The following HADHB variants were observed in gnomAD, a reference collection of about 807,000 sequenced individuals.
HADHB encodes the protein hydroxyacyl-CoA dehydrogenase trifunctional multienzyme complex subunit beta.
In HADHB, 50 loss-of-function variants were observed where a neutral mutation model predicts 61.9. The observed-to-expected ratio is 0.81, with a 90% CI of 0.64 to 1.02. The LOEUF is 1.02. Ranked by LOEUF, HADHB falls within the 50% of genes least tolerant of loss-of-function variation. The pLI, the probability that HADHB is intolerant of heterozygous loss-of-function variation, is 0.00. For synonymous variants in HADHB, 191 were observed against 201.6 expected (o/e 0.95, Z 0.45); for missense variants, 504 against 586.5 (o/e 0.86, Z 1.45).
rs1412468015 is a variant in HADHB at position 26,285,510 on chromosome 2, A to G, written c.1328A>G (p.Asn443Ser). The change falls in exon 15 of 16, where the codon AAC becomes AGC. Residue 443 changes from asparagine (N) to serine (S), a missense_variant. By Grantham distance (46) the Asn-to-Ser change is conservative. Coordinates refer to ENST00000317799, the MANE Select transcript of HADHB (RefSeq NM_000183.3). The part of the protein sequence containing the change: ...TGCRLVMAAA[N>S]RLRKEGGQYG... ...TGCAGGTTGGTCATGGCTGCTGCCA[A>G]CAGATTACGGAAAGAAGGAGGCCAG... 1 of 1,614,048 alleles carries G rather than the reference A, an allele frequency of 6.2e-7. No homozygotes were observed. The highest frequency in any genetic ancestry group is 2.2e-5 in the East Asian group (1 of 44,890).
chr2:26,248,381 ATTTC>A (rs1387396578), intron 1 of HADHB, among the ~76,000 whole-genome samples: 1 of 150,478 alleles, frequency 6.6e-6, no homozygotes. Flanking sequence ...CACCTTGAGT[ATTTC>A]TTTTTTTTTT....
chr2:26,261,308 G>T, intron 3 of HADHB: 1 of 429,914 alleles, frequency 2.3e-6, no homozygotes, highest in Non-Finnish European at 4.2e-6. Flanking sequence ...GGCTGTGGGA[G>T]AACAGGCATT....
rs186435462 is a variant in HADHB, at chr2:26,269,966, A to G, written c.223A>G (p.Met75Val). The change falls in exon 5 of 16, where the codon ATG becomes GTG. Residue 75 changes from methionine (M) to valine (V), a missense_variant. Transcript: ENST00000317799. Reference protein sequence around the residue: ...LLSGTSYKDLMPHDLARAALT... With the variant: ...LLSGTSYKDLVPHDLARAALT... ...TTCGTTCCCCAGATATAAAGACCTG[A>G]TGCCACATGATTTGGCTAGAGCAGC... 2 of 1,608,802 alleles carry G rather than the reference A, an allele frequency of 1.2e-6. No individual in the cohort carries two copies. Among genetic ancestry groups the G allele is most frequent in the African/African-American group, 1.3e-5 (1 of 74,928 alleles).
intron 9 of HADHB, 49 bp from the exon 10 acceptor site, chr2:26,279,945 T>C (rs376893097): frequency 4.4e-5 from 62 of 1,407,452 alleles, no homozygotes; most frequent in Non-Finnish European, 5.7e-5. Flanking sequence ...GGAGAAGATA[T>C]ATAAGGCTTG....
At chr2:26,270,865 G>T (rs1574656426) in intron 5 of HADHB, among the ~76,000 whole-genome samples, 2 of 147,638 alleles carry the variant, frequency 1.4e-5, no homozygotes, top group South Asian at 2.1e-4. Context: ...TATCCTGACT[G>T]ATTCTTCTGT....
intron 4 of HADHB, among the ~76,000 whole-genome samples, chr2:26,267,180 A>G (rs1272817024): frequency 1.3e-5 from 2 of 152,196 alleles, no homozygotes; most frequent in Non-Finnish European, 2.9e-5. Flanking sequence ...CTTTAAACAA[A>G]CAAACAAATA....
At position 26,277,078 on chromosome 2, in the gene HADHB, C is replaced by T. The variant is rs2147823124; in HGVS notation, c.360C>T (p.Ala120=). ...ATTCACTCTATTTCCTAAAGGCTGC[C>T]CTTGGAGCTGGCTTCTCTGACAAGA... ...VKTSNVAREA[A]LGAGFSDKTP... is the part of the protein sequence containing the mutation. The change falls in exon 7 of 16, where the codon GCC becomes GCT. Residue 120 remains alanine, a synonymous_variant. Coordinates refer to ENST00000317799, the MANE Select transcript of HADHB (RefSeq NM_000183.3). 6.4e-7 allele frequency: 1 copy of T among 1,568,732 alleles called. No individual in the cohort carries two copies. The highest frequency in any genetic ancestry group is 8.8e-7 in the Non-Finnish European group (1 of 1,139,194).
chr2:26,274,863 T>A (rs976481570), intron 6 of HADHB, among the ~76,000 whole-genome samples: 1 of 152,026 alleles, frequency 6.6e-6, no homozygotes, highest in Admixed American at 6.6e-5. Flanking sequence ...TTCCTTCTCC[T>A]CCTCCTCAAA....
At chr2:26,260,625 C>T in intron 3 of HADHB, 1 of 203,464 alleles carries the variant, frequency 4.9e-6, no homozygotes, top group Non-Finnish European at 1.0e-5. Context: ...CTGTTTGTCT[C>T]ACATATTCCC....
chr2:26,270,904 A>G (rs989559907), intron 5 of HADHB, among the ~76,000 whole-genome samples: 4 of 127,320 alleles, frequency 3.1e-5, no homozygotes, highest in East Asian at 2.2e-4. Context: ...TTTGAGACGG[A>G]GTCTCGCTCT....
chr2:26,263,873 C>T (rs918520093), intron 4 of HADHB, among the ~76,000 whole-genome samples: 9 of 152,170 alleles, frequency 5.9e-5, no homozygotes, highest in Admixed American at 5.9e-4. Flanking sequence ...GTTTGGCCTC[C>T]TGGAAATTAT....
intron 3 of HADHB, chr2:26,260,613 T>C (rs544561124): frequency 5.2e-6 from 1 of 191,546 alleles, no homozygotes; most frequent in African/African-American, 2.3e-5. Flanking sequence ...CCTCTCAAGT[T>C]ACTGTTTGTC....
intron 1 of HADHB, among the ~76,000 whole-genome samples, chr2:26,251,318 C>A (rs1671389721): frequency 6.6e-6 from 1 of 151,970 alleles, no homozygotes; most frequent in African/African-American, 2.4e-5. Flanking sequence ...TCTTGAGTAG[C>A]TGCGACTACA....
intron 3 of HADHB, 172 bp downstream of exon 3, chr2:26,254,646 G>A (rs1272197055): frequency 1.7e-6 from 1 of 590,672 alleles, no homozygotes; most frequent in Non-Finnish European, 3.0e-6. Flanking sequence ...AATCAATAAT[G>A]ATACTACATT....
chr2:26,270,547 A>G (rs1194131463), intron 5 of HADHB, among the ~76,000 whole-genome samples: 1 of 151,262 alleles, frequency 6.6e-6, no homozygotes, highest in East Asian at 1.9e-4. Flanking sequence ...TGTCCATTCT[A>G]ACTCTATGTT....
At chr2:26,259,684 T>TA (rs1671781945) in intron 3 of HADHB, among the ~76,000 whole-genome samples, 1 of 152,216 alleles carries the variant, frequency 6.6e-6, no homozygotes, top group Non-Finnish European at 1.5e-5. Context: ...ATGTGCCTTG[T>TA]AGAGTTAGTT....
chr2:26,258,310 T>A (rs1047881760), intron 3 of HADHB, among the ~76,000 whole-genome samples: 1 of 152,178 alleles, frequency 6.6e-6, no homozygotes, highest in East Asian at 1.9e-4. Context: ...GACCTGAGGC[T>A]CTTGGCCTCA....
Position 26,279,198 on chromosome 2 carries a change from G to A in HADHB, c.694G>A (p.Ala232Thr), listed in dbSNP as rs987203346. 8 of 1,613,404 alleles carry A rather than the reference G, an allele frequency of 5.0e-6. No individual in the cohort carries two copies. The highest frequency in any genetic ancestry group is 6.8e-6 in the Non-Finnish European group (8 of 1,179,410). ...GGGCCACTCTGCAGACCGACTGGCC[G>A]CTGCCTTTGCTGTTTCTCGGCTGGA... ...TMGHSADRLA[A>T]AFAVSRLEQD... is the part of the protein sequence containing the mutation. The change falls in exon 9 of 16, where the codon GCT becomes ACT. Residue 232 changes from alanine to threonine, a missense_variant. Transcript: ENST00000317799.
intron 8 of HADHB, 107 bp from the exon 9 acceptor site, chr2:26,279,028 T>C: frequency 9.9e-7 from 1 of 1,007,924 alleles, no homozygotes; most frequent in Non-Finnish European, 1.6e-6. Flanking sequence ...GATTGATTAA[T>C]GGTAGACAAA....
Sources: gnomAD v4.1 joint callset for allele counts (sites outside exome capture counted in the v4.1 genomes callset) on GRCh38, gnomAD v4.1.1 for gene constraint, MANE v1.5 for transcripts, NCBI Gene and HGNC (gene_info 2026-07-23, HGNC 2026-07-21) for gene names.